Variants in FANCD2OS observed in about 807,000 individuals in gnomAD.
FANCD2OS encodes the protein FANCD2 opposite strand protein.
A neutral mutation model predicts 13.2 loss-of-function variants in FANCD2OS; 11 were observed. The observed-to-expected ratio is 0.83, with a 90% CI of 0.52 to 1.38. The LOEUF is 1.38. Ranked by LOEUF, FANCD2OS falls within the 40% of genes most tolerant of loss-of-function variation. The pLI, the probability that FANCD2OS is intolerant of heterozygous loss-of-function variation, is 0.00. For synonymous variants in FANCD2OS, 69 were observed against 84.5 expected (o/e 0.82, Z 1.01); for missense variants, 217 against 213.9 (o/e 1.01, Z -0.09).
At chr3:10,086,443 G>A (rs571839609) in intron 2 of FANCD2OS, among the ~76,000 whole-genome samples, 12 of 152,138 alleles carry the variant, frequency 7.9e-5, no homozygotes, top group African/African-American at 2.9e-4. Context: ...CCATCACTGG[G>A]TCAGCAGTCA....
At chr3:10,105,800 A>G (rs1253803142) in intron 1 of FANCD2OS, among the ~76,000 whole-genome samples, 1 of 84,940 alleles carries the variant, frequency 1.2e-5, no homozygotes, top group Non-Finnish European at 2.2e-5. Flanking sequence ...ATATATATAT[A>G]TATATATATA....
Position 10,104,086 on chromosome 3 carries a change from A to G in FANCD2OS, c.*155T>C, listed in dbSNP as rs749960397. The G allele has an allele frequency of 4.3e-5, 28 of 648,552 alleles. No individual in the cohort carries two copies. The highest frequency in any genetic ancestry group is 5.1e-5 in the Non-Finnish European group (20 of 389,220). The allele number at this position is 648,552 out of a possible 1,614,324, so 40.2% of individuals were successfully genotyped here. A position where few individuals can be genotyped will look rare whatever the true frequency, so the allele number is the denominator to read the frequency against. On this transcript the variant is annotated 3_prime_UTR_variant, in exon 2 of 2. Coordinates refer to ENST00000450660, the MANE Select transcript of FANCD2OS (RefSeq NM_001164839.2). ...ATCATTGGTCCTTTTTTGGAGGGGAAGGGATGAAAGGGGCTCCTGAATCAT... is the reference window on the plus strand; with the variant it reads ...ATCATTGGTCCTTTTTTGGAGGGGAGGGGATGAAAGGGGCTCCTGAATCAT...
chr3:10,104,036 AT>A lies in FANCD2OS; in HGVS notation c.*204del. On this transcript the variant is annotated 3_prime_UTR_variant, in exon 2 of 2. Coordinates refer to ENST00000450660, the MANE Select transcript of FANCD2OS (RefSeq NM_001164839.2). Reference sequence around the variant, plus strand: ...TGACTCTAAATGGTTCAACCTTACAATGGGAATGTTCTTCCTTGTTCTCTAT... The same window carrying A: ...TGACTCTAAATGGTTCAACCTTACAAGGGAATGTTCTTCCTTGTTCTCTAT... 1 of 569,212 alleles carries A rather than the reference AT, an allele frequency of 1.8e-6. No individual in the cohort carries two copies. Among genetic ancestry groups the A allele is most frequent in the Non-Finnish European group, 3.1e-6 (1 of 326,386 alleles). 35.3% of individuals were successfully genotyped at this position (569,212 alleles called of 1,614,324 possible).
intron 2 of FANCD2OS, among the ~76,000 whole-genome samples, chr3:10,094,032 A>G (rs55951275): frequency 6.6e-5 from 10 of 152,194 alleles, no homozygotes; most frequent in African/African-American, 1.7e-4. Context: ...TCTCACTCCT[A>G]AGCTGAGCAA....
chr3:10,094,279 T>C, intron 2 of FANCD2OS: 1 of 1,612,686 alleles, frequency 6.2e-7, no homozygotes, highest in African/African-American at 1.3e-5. Context: ...AGTGTGTCTC[T>C]CTTCTTCAGT....
chr3:10,086,648 ATT>A (rs1030096712), intron 2 of FANCD2OS, among the ~76,000 whole-genome samples: 2 of 151,764 alleles, frequency 1.3e-5, no homozygotes, highest in African/African-American at 4.8e-5. Context: ...CACCCTACTA[ATT>A]TTTATATTTT....
downstream of FANCD2OS, chr3:10,099,148 G>A (rs1695155675): frequency 6.9e-7 from 1 of 1,459,730 alleles, no homozygotes; most frequent in Non-Finnish European, 9.0e-7. Context: ...TGAGTGTTGA[G>A]AAGAATGAGT....
chr3:10,086,984 G>C (rs1447453073), intron 2 of FANCD2OS: 1 of 835,626 alleles, frequency 1.2e-6, no homozygotes, highest in Non-Finnish European at 2.0e-6. Context: ...GATGCTTGAA[G>C]AGGGTTGCTA....
chr3:10,105,993 T>A (rs1695487999), intron 1 of FANCD2OS, among the ~76,000 whole-genome samples: 1 of 151,598 alleles, frequency 6.6e-6, no homozygotes, highest in Non-Finnish European at 1.5e-5. Flanking sequence ...TGAGAATTTC[T>A]TATGCTATTC....
downstream of FANCD2OS, chr3:10,101,648 G>T: frequency 3.2e-6 from 1 of 309,116 alleles, no homozygotes; most frequent in African/African-American, 2.1e-5. Context: ...CTCCCAAAGT[G>T]CTGGGATTAC....
chr3:10,091,152 C>T (rs1015543278), intron 2 of FANCD2OS, among the ~76,000 whole-genome samples: 2 of 148,720 alleles, frequency 1.3e-5, no homozygotes, highest in African/African-American at 4.9e-5. Flanking sequence ...GCAAACTTGG[C>T]TCACTGCAGC....
intron 2 of FANCD2OS, among the ~76,000 whole-genome samples, chr3:10,093,713 CTT>C (rs1694788417): frequency 6.6e-6 from 1 of 152,154 alleles, no homozygotes; most frequent in African/African-American, 2.4e-5. Context: ...CCAAACTTCT[CTT>C]TTGTGGGAAT....
intron 2 of FANCD2OS, chr3:10,090,360 C>G: frequency 6.2e-7 from 1 of 1,611,772 alleles, no homozygotes; most frequent in Non-Finnish European, 8.5e-7. Context: ...AAAATTGAGC[C>G]TGGCACAGCA....
intron 2 of FANCD2OS, among the ~76,000 whole-genome samples, chr3:10,090,737 C>T (rs1384554239): frequency 4.6e-5 from 7 of 152,200 alleles, no homozygotes; most frequent in Non-Finnish European, 7.3e-5. Context: ...AGATTACAGA[C>T]GTGCGCCACT....
At chr3:10,095,253 T>C in intron 2 of FANCD2OS, 1 of 1,614,156 alleles carries the variant, frequency 6.2e-7, no homozygotes, top group Non-Finnish European at 8.5e-7. Flanking sequence ...GGCTGCTTCA[T>C]CACCTGTGTG....
intron 2 of FANCD2OS, chr3:10,087,163 A>G (rs767995408): frequency 6.2e-7 from 1 of 1,614,050 alleles, no homozygotes; most frequent in East Asian, 2.2e-5. Context: ...CAGAATTTCC[A>G]TCAAAGCATT....
At chr3:10,107,671 G>A (rs1695539997) in intron 1 of FANCD2OS, among the ~76,000 whole-genome samples, 1 of 151,948 alleles carries the variant, frequency 6.6e-6, no homozygotes, top group Non-Finnish European at 1.5e-5. Flanking sequence ...CCTAGGTCGC[G>A]GCGCGGTGGC....
chr3:10,104,200 A>C lies in FANCD2OS; in HGVS notation c.*41T>G, dbSNP rs765502056. The C allele has an allele frequency of 2.6e-6, 4 of 1,519,232 alleles. No homozygotes were observed. The South Asian group carries it at 5.1e-5, about 20-fold the overall frequency. 94.1% of individuals were successfully genotyped at this position (1,519,232 alleles called of 1,614,324 possible). Reference sequence around the variant, plus strand: ...TTCTGTAAGCTTTAGGTACATACCAAAGGGCATGGTGTGAGTAAATGGGGA... The same window carrying C: ...TTCTGTAAGCTTTAGGTACATACCACAGGGCATGGTGTGAGTAAATGGGGA... On this transcript the variant is annotated 3_prime_UTR_variant, in exon 2 of 2. Coordinates refer to ENST00000450660, the MANE Select transcript of FANCD2OS (RefSeq NM_001164839.2).
At chr3:10,087,993 G>A (rs1384419879) in intron 2 of FANCD2OS, among the ~76,000 whole-genome samples, 1 of 152,158 alleles carries the variant, frequency 6.6e-6, no homozygotes. Context: ...TTAGAATGCA[G>A]CTCATCCTAG....
Sources: allele counts gnomAD v4.1 joint callset (sites outside exome capture counted in the v4.1 genomes callset), GRCh38; gene constraint gnomAD v4.1.1; transcripts MANE v1.5; gene names NCBI Gene and HGNC (gene_info 2026-07-23, HGNC 2026-07-21).